Variants in ABCB1 observed in about 807,000 individuals in gnomAD.
ABCB1 encodes ATP-dependent translocase ABCB1.
A neutral mutation model predicts 142.0 loss-of-function variants in ABCB1; 69 were observed. The observed-to-expected ratio is 0.49, with a 90% confidence interval of 0.40 to 0.59. ABCB1 has a LOEUF of 0.59. Among genes scored for constraint, ABCB1 ranks in the 20% least tolerant of loss-of-function variants. ABCB1 has a pLI of 0.00. For missense variants in ABCB1, 1,326 were observed against 1,554.7 expected, an observed-to-expected ratio of 0.85 and a Z score of 2.47; for synonymous variants, 532 against 539.2, an observed-to-expected ratio of 0.99 and a Z score of 0.18.
At chr7:87,615,863 T>C (rs1215901997) in intron 1 of ABCB1, among the ~76,000 whole-genome samples, 1 of 152,194 alleles carries the variant, frequency 6.6e-6, no homozygotes, top group Non-Finnish European at 1.5e-5. Context: ...AAAAATGATT[T>C]TTGAACACAA....
chr7:87,673,124 C>G (rs558567921), intron 1 of ABCB1, among the ~76,000 whole-genome samples: 2 of 152,214 alleles, frequency 1.3e-5, no homozygotes, highest in East Asian at 3.9e-4. Flanking sequence ...GTGACCTTCC[C>G]CTTTTGTTTT....
chr7:87,538,202 G>A (rs1019250024), intron 19 of ABCB1, among the ~76,000 whole-genome samples: 1 of 152,192 alleles, frequency 6.6e-6, no homozygotes, highest in Non-Finnish European at 1.5e-5. Context: ...AGTTGGCCTG[G>A]AGGCTGGTTG....
chr7:87,600,366 C>T (rs1244433390), intron 1 of ABCB1, among the ~76,000 whole-genome samples, 176 bp from the exon 2 acceptor site: 2 of 152,206 alleles, frequency 1.3e-5, no homozygotes, highest in African/African-American at 4.8e-5. Flanking sequence ...TGCGCGGGGT[C>T]TCCAGCATCT....
intron 4 of ABCB1, among the ~76,000 whole-genome samples, chr7:87,575,480 AG>A (rs1286537309): frequency 6.6e-6 from 1 of 152,156 alleles, no homozygotes; most frequent in African/African-American, 2.4e-5. Flanking sequence ...TTCAGGTGAC[AG>A]GGTAACACTG....
chr7:87,606,250 GAA>G lies in ABCB1; in HGVS notation c.-330-5174_-330-5173del, dbSNP rs1366699714. The stretch of plus-strand genomic sequence containing the variant: ...CTGAAATATTCATGCTAACTACAAA[GAA>G]ATGCAAATTACAACAGCAAAGATAT... On this transcript the variant is annotated intron_variant, in intron 1 of 28. Transcript: ENST00000265724. 2.0e-5 allele frequency among the ~76,000 whole-genome samples: 3 copies of G among 152,110 alleles called. No individual in the cohort carries two copies. In the East Asian group the frequency reaches 5.8e-4, roughly 29 times the overall value.
Position 87,503,577 on chromosome 7 carries a change from C to A in ABCB1, c.*666G>T, listed in dbSNP as rs1016857131. The A allele has an allele frequency of 6.5e-6, 1 of 153,546 alleles. No individual in the cohort carries two copies. The highest frequency in any genetic ancestry group is 2.4e-5 in the African/African-American group (1 of 41,440). 9.5% of individuals were successfully genotyped at this position (153,546 alleles called of 1,614,324 possible). ...ATATGCACTTCATAATTGTGCCTCA[C>A]CCCACCTCCTAAAATCTTATATCGA... On this transcript the variant is annotated 3_prime_UTR_variant, in exon 28 of 28. Coordinates refer to ENST00000622132, the MANE Select transcript of ABCB1 (RefSeq NM_001348946.2).
intron 1 of ABCB1, among the ~76,000 whole-genome samples, chr7:87,638,698 T>C (rs553414710): frequency 6.8e-4 from 104 of 152,260 alleles, no homozygotes; most frequent in African/African-American, 2.4e-3. Flanking sequence ...CCCATTTTTC[T>C]TTCCTGATAT....
At chr7:87,509,949 C>T (rs1284443775) in intron 25 of ABCB1, among the ~76,000 whole-genome samples, 1 of 152,126 alleles carries the variant, frequency 6.6e-6, no homozygotes, top group African/African-American at 2.4e-5. Flanking sequence ...GTGAGAAAGA[C>T]TCAACCAGCC....
chr7:87,608,397 G>A (rs1319761375), intron 1 of ABCB1, among the ~76,000 whole-genome samples: 1 of 152,202 alleles, frequency 6.6e-6, no homozygotes, highest in Non-Finnish European at 1.5e-5. Flanking sequence ...AATTAAAAAT[G>A]AAATCTGGCT....
chr7:87,569,367 A>T (rs960211028), intron 5 of ABCB1, among the ~76,000 whole-genome samples: 2 of 151,612 alleles, frequency 1.3e-5, no homozygotes, highest in Non-Finnish European at 2.9e-5. Flanking sequence ...ATTTTTTTCA[A>T]ATGTACCCAG....
chr7:87,566,427 A>G (rs1342439520), intron 6 of ABCB1, among the ~76,000 whole-genome samples, 186 bp from the exon 7 acceptor site: 1 of 152,208 alleles, frequency 6.6e-6, no homozygotes, highest in Non-Finnish European at 1.5e-5. Context: ...CATAGCCCAC[A>G]TGGCCCCAGG....
intron 27 of ABCB1, 114 bp downstream of exon 27, chr7:87,505,783 G>T: frequency 1.6e-6 from 2 of 1,271,006 alleles, no homozygotes; most frequent in Admixed American, 1.7e-5. Flanking sequence ...TTTACTGAAA[G>T]GTGATGTAAG....
At position 87,652,357 on chromosome 7, in the gene ABCB1, C is replaced by T. The variant is rs901016341; in HGVS notation, c.-330-51279G>A. Among the ~76,000 whole-genome samples, 9 of 152,106 alleles carry T rather than the reference C, an allele frequency of 5.9e-5. No homozygotes were observed. The South Asian group carries it at 1.2e-3, about 21-fold the overall frequency. On this transcript the variant is annotated intron_variant, in intron 1 of 28. Transcript: ENST00000265724. ...CTACTATGTAAGTGGATGCCTCCTG[C>T]GCACTAATCTGCCATCTTCTGAGTT...
At chr7:87,682,416 C>G (rs1204401727) in intron 1 of ABCB1, among the ~76,000 whole-genome samples, 1 of 152,160 alleles carries the variant, frequency 6.6e-6, no homozygotes, top group Non-Finnish European at 1.5e-5. Context: ...CATCAGAAGA[C>G]TCATTGTCTA....
intron 21 of ABCB1, among the ~76,000 whole-genome samples, chr7:87,524,846 C>T (rs1251127502): frequency 6.6e-6 from 1 of 151,548 alleles, no homozygotes; most frequent in Non-Finnish European, 1.5e-5. Flanking sequence ...TAAGAAAATT[C>T]AACAGACTAT....
At chr7:87,550,122 A>C in intron 12 of ABCB1, 49 bp downstream of exon 12, 1 of 1,614,150 alleles carries the variant, frequency 6.2e-7, no homozygotes, top group Non-Finnish European at 8.5e-7. Context: ...AAAGATGTGC[A>C]ATGTGACTGC....
chr7:87,684,073 T>A (rs1421402312), intron 1 of ABCB1, among the ~76,000 whole-genome samples: 1 of 152,146 alleles, frequency 6.6e-6, no homozygotes, highest in Non-Finnish European at 1.5e-5. Flanking sequence ...TAGAAAAGCA[T>A]TTGACAAAAT....
At chr7:87,594,159 T>C (rs902578405) in intron 3 of ABCB1, among the ~76,000 whole-genome samples, 1 of 152,212 alleles carries the variant, frequency 6.6e-6, no homozygotes, top group African/African-American at 2.4e-5. Flanking sequence ...AAAATCTATC[T>C]AAGTAGTAGA....
At chr7:87,684,618 C>T (rs978969185) in intron 1 of ABCB1, among the ~76,000 whole-genome samples, 3 of 151,658 alleles carry the variant, frequency 2.0e-5, no homozygotes, top group South Asian at 2.1e-4. Flanking sequence ...CATGGTAGCA[C>T]GTGCCTGTAG....
Sources: gnomAD v4.1 joint callset for allele counts (sites outside exome capture counted in the v4.1 genomes callset) on GRCh38, gnomAD v4.1.1 for gene constraint, MANE v1.5 for transcripts, NCBI Gene and HGNC (gene_info 2026-07-23, HGNC 2026-07-21) for gene names.